The following ATXN7L3 variants were observed in gnomAD, a reference collection of about 807,000 sequenced individuals.
ATXN7L3 encodes the protein ataxin 7 like 3, also known as ataxin-7-like protein 3.
In ATXN7L3, 6 loss-of-function variants were observed where a neutral mutation model predicts 50.0. The observed-to-expected ratio is 0.12, with a 90% CI of 0.07 to 0.24. The LOEUF (loss-of-function observed/expected upper bound fraction) is 0.24, where lower values mean the gene tolerates loss of function less well. Ranked by LOEUF, ATXN7L3 falls within the 10% of genes least tolerant of loss-of-function variation. The pLI, the probability that ATXN7L3 is intolerant of heterozygous loss-of-function variation, is 1.00. For synonymous variants in ATXN7L3, 198 were observed against 165.8 expected, an observed-to-expected ratio of 1.19 and a Z score of -1.49; for missense variants, 322 against 451.3, an observed-to-expected ratio of 0.71 and a Z score of 2.60.
intron 5 of ATXN7L3, 22 bp from the exon 6 acceptor site, chr17:44,196,440 A>G (rs2055894522): frequency 1.9e-6 from 3 of 1,613,946 alleles, no homozygotes; most frequent in Admixed American, 1.7e-5. Flanking sequence ...AAAAGCATAA[A>G]GAGCAGGGTT....
rs1486838966 is a variant in ATXN7L3, at chr17:44,192,343, A to T, written c.*1920T>A. 1 of 152,344 alleles carries T rather than the reference A, an allele frequency of 6.6e-6. No homozygotes were observed. Among genetic ancestry groups the T allele is most frequent in the Non-Finnish European group, 1.5e-5 (1 of 68,142 alleles). 9.4% of individuals were successfully genotyped at this position (152,344 alleles called of 1,614,324 possible). A position where few individuals can be genotyped will look rare whatever the true frequency, so the allele number is the denominator to read the frequency against. On this transcript the variant is annotated 3_prime_UTR_variant, in exon 13 of 13. Coordinates refer to ENST00000587097, the MANE Select transcript of ATXN7L3 (RefSeq NM_001382309.1). ...AGGAACAATGGGGAAGTTTATGTGG[A>T]CAAACCAGTTCCCAAGCTACTTCCC...
At chr17:44,196,226 T>TCCCCCCCCCCCCCAGACCCC in intron 6 of ATXN7L3, 147 bp from the exon 7 acceptor site, 1 of 737,704 alleles carries the variant, frequency 1.4e-6, no homozygotes, top group Non-Finnish European at 2.1e-6. Flanking sequence ...CCATGTGCCC[T>TCCCCCCCCCCCCCAGACCCC]CCCCCACCCC....
At chr17:44,195,376 A>G in intron 9 of ATXN7L3, 43 bp downstream of exon 9, 1 of 1,589,200 alleles carries the variant, frequency 6.3e-7, no homozygotes, top group South Asian at 1.1e-5. Context: ...CTATGGCTCC[A>G]GCCCACTCCC....
intron 4 of ATXN7L3, 56 bp from the exon 5 acceptor site, chr17:44,197,082 G>T: frequency 6.4e-7 from 1 of 1,558,354 alleles, no homozygotes. Context: ...AAGGGGTCAA[G>T]GTGGTCACCC....
In ATXN7L3 at chr17:44,195,706, C is replaced by G. The variant is rs930138163; in HGVS notation, c.552+94G>C. The G allele has an allele frequency of 1.5e-4, 208 of 1,407,158 alleles. 3 individuals carry two copies. In the South Asian group the frequency reaches 2.2e-3, roughly 15 times the overall value. The allele number at this position is 1,407,158 out of a possible 1,614,324, so 87.2% of individuals were successfully genotyped here. ...AGATCCAAATAGCTCATCAGTGCCT[C>G]TGGCTGTCAGCATTCTGATCCCTAC... On this transcript the variant is annotated intron_variant, in intron 8 of 12. Transcript: ENST00000587097.
chr17:44,194,360 C>T lies in ATXN7L3; in HGVS notation c.947G>A (p.Ser316Asn), dbSNP rs371966021. 6.6e-5 allele frequency: 106 copies of T among 1,614,228 alleles called. No homozygotes were observed. The highest frequency in any genetic ancestry group is 3.0e-4 in the Admixed American group (18 of 60,034). ...TAGGCCGGAGGCAGTCCCTACCAGGCTCAGATGGGATTTCTTTTTCTTGGT... is the reference window on the plus strand; with the variant it reads ...TAGGCCGGAGGCAGTCCCTACCAGGTTCAGATGGGATTTCTTTTTCTTGGT... ...RKTKKKKSHL[S>N]LVGTASGLGS... is the part of the protein sequence containing the mutation. Residue 316 changes from serine (S) to asparagine (N), a missense_variant, in exon 13 of 13, where the codon AGC (serine) becomes AAC (asparagine). Transcript: ENST00000587097.
chr17:44,195,652 G>A (rs1288951955), intron 8 of ATXN7L3, 148 bp downstream of exon 8: 4 of 1,171,026 alleles, frequency 3.4e-6, no homozygotes, highest in Admixed American at 2.0e-5. Context: ...TGGATAAGGG[G>A]TGGGACTCAG....
Position 44,195,284 on chromosome 17 carries a change from C to T in ATXN7L3, c.621+135G>A, listed in dbSNP as rs140688405. 22 of 1,348,308 alleles carry T rather than the reference C, an allele frequency of 1.6e-5. No homozygotes were observed. In the South Asian group the frequency reaches 1.8e-4, roughly 11 times the overall value. The allele number at this position is 1,348,308 out of a possible 1,614,324, so 83.5% of individuals were successfully genotyped here. ...CAGATGGTCCCAGGACACTATGGGC[C>T]GGGAAACCTAATTCCAGACAGAGAG... is the stretch of plus-strand genomic sequence containing the variant. On this transcript the variant is annotated intron_variant, in intron 9 of 12. Transcript: ENST00000587097.
At chr17:44,197,961 T>G (rs574037192) in intron 2 of ATXN7L3, 59 bp downstream of exon 2, 1 of 1,582,496 alleles carries the variant, frequency 6.3e-7, no homozygotes, top group South Asian at 1.1e-5. Flanking sequence ...GGATGCCAGA[T>G]ACAGCGACGT....
At chr17:44,196,148 G>T in intron 6 of ATXN7L3, 69 bp from the exon 7 acceptor site, 1 of 1,529,272 alleles carries the variant, frequency 6.5e-7, no homozygotes, top group Non-Finnish European at 9.0e-7. Context: ...CCCAGGGAAG[G>T]AAAAAAGATT....
At chr17:44,196,222 G>GCCCGGCCC in intron 6 of ATXN7L3, 143 bp from the exon 7 acceptor site, 1 of 925,714 alleles carries the variant, frequency 1.1e-6, no homozygotes, top group Non-Finnish European at 1.7e-6. Context: ...CTACCCATGT[G>GCCCGGCCC]CCCTCCCCCA....
At chr17:44,195,556 GA>G (rs1406334173) in intron 8 of ATXN7L3, 69 bp from the exon 9 acceptor site, 5 of 1,484,706 alleles carry the variant, frequency 3.4e-6, no homozygotes, top group Non-Finnish European at 4.7e-6. Context: ...GTGGAAGTGA[GA>G]ATCAGTCCCT....
chr17:44,197,470 G>A (rs949506284), intron 3 of ATXN7L3, 71 bp from the exon 4 acceptor site: 82 of 1,572,466 alleles, frequency 5.2e-5, no homozygotes, highest in African/African-American at 2.7e-4. Flanking sequence ...GGGGTCCCAC[G>A]GCCTCTTCAA....
At chr17:44,195,570 G>A (rs2055855274) in intron 8 of ATXN7L3, 83 bp from the exon 9 acceptor site, 1 of 1,433,428 alleles carries the variant, frequency 7.0e-7, no homozygotes, top group Admixed American at 1.7e-5. Flanking sequence ...CAGTCCCTCT[G>A]GTCCCTTTCT....
chr17:44,198,439 G>A lies in ATXN7L3; in HGVS notation c.-60-309C>T, dbSNP rs78027696. 1,041 of 225,794 alleles carry A rather than the reference G, an allele frequency of 4.6e-3. 8 individuals are homozygous for A. The highest frequency in any genetic ancestry group is 6.3e-3 in the Non-Finnish European group (739 of 116,498). The allele number at this position is 225,794 out of a possible 1,614,324, so 14.0% of individuals were successfully genotyped here. A position where few individuals can be genotyped will look rare whatever the true frequency, so the allele number is the denominator to read the frequency against. ...TTGATACCCATGGTGCAATGCAGCA[G>A]GGGGAGGAGAAGGAACTCCAAGGCC... On this transcript the variant is annotated intron_variant, in intron 1 of 12. Coordinates refer to ENST00000587097, the MANE Select transcript of ATXN7L3 (RefSeq NM_001382309.1).
chr17:44,194,859 G>A lies in ATXN7L3; in HGVS notation c.666-20C>T. 6.2e-7 allele frequency: 1 copy of A among 1,613,790 alleles called. No homozygotes were observed. The highest frequency in any genetic ancestry group is 8.5e-7 in the Non-Finnish European group (1 of 1,179,790). ...AGGGACCTGGTGGTGAGGCAAGGCA[G>A]GGAGGGTTCTGAGGAACTCAGGTAA... is the stretch of plus-strand genomic sequence containing the variant. On this transcript the variant is annotated intron_variant, in intron 10 of 12. Transcript: ENST00000587097.
chr17:44,194,446 G>C (rs1366631290), intron 12 of ATXN7L3, 35 bp from the exon 13 acceptor site: 1 of 1,613,682 alleles, frequency 6.2e-7, no homozygotes, highest in South Asian at 1.1e-5. Context: ...TGAGAGTATG[G>C]TTATGGCAGG....
At chr17:44,195,705 T>G in intron 8 of ATXN7L3, 95 bp downstream of exon 8, 1 of 1,400,304 alleles carries the variant, frequency 7.1e-7, no homozygotes, top group Non-Finnish European at 1.0e-6. Context: ...CATCAGTGCC[T>G]CTGGCTGTCA....
In ATXN7L3 at chr17:44,195,470, C is replaced by T. The variant is rs1316331433; in HGVS notation, c.570G>A (p.Gly190=). 6.2e-7 allele frequency: 1 copy of T among 1,613,910 alleles called. No individual in the cohort carries two copies. Among genetic ancestry groups the T allele is most frequent in the Non-Finnish European group, 8.5e-7 (1 of 1,179,970 alleles). The change falls in exon 9 of 13, where the codon GGG becomes GGA. Residue 190 remains glycine, a synonymous_variant. Transcript: ENST00000587097. ...SDPFKYNNST[G]ISYETLGPEE... Reference sequence around the variant, plus strand: ...CCGGCCCCAGGGTCTCATAGCTGATCCCAGTTGAATTGTTATACTGCAGGA... The same window carrying T: ...CCGGCCCCAGGGTCTCATAGCTGATTCCAGTTGAATTGTTATACTGCAGGA...
Sources: gnomAD v4.1 joint callset for allele counts on GRCh38, gnomAD v4.1.1 for gene constraint, MANE v1.5 for transcripts, NCBI Gene and HGNC (gene_info 2026-07-23, HGNC 2026-07-21) for gene names.